ABL2: variants seen among roughly 807,000 people sequenced by gnomAD.
ABL2 encodes ABL proto-oncogene 2, non-receptor tyrosine kinase, also known as tyrosine-protein kinase ABL2.
Under a neutral mutation model 107.7 loss-of-function variants are expected in ABL2, and 49 were observed. The observed-to-expected ratio is 0.45, with a 90% CI of 0.36 to 0.58. The LOEUF (loss-of-function observed/expected upper bound fraction) is 0.58, where lower values mean the gene tolerates loss of function less well. Among genes scored for constraint, ABL2 ranks in the 20% least tolerant of loss-of-function variants. ABL2 has a pLI of 0.00. For missense variants in ABL2, 1,245 were observed against 1,457.0 expected (o/e 0.85, Z 2.37); for synonymous variants, 549 against 548.6 (o/e 1.00, Z -0.01).
chr1:179,176,699 A>ATTTTTTTTTTT (rs1553229037), intron 1 of ABL2, among the ~76,000 whole-genome samples: 4 of 25,270 alleles, frequency 1.6e-4, no homozygotes, highest in East Asian at 4.8e-3. Flanking sequence ...GTTGTTACAT[A>ATTTTTTTTTTT]TTCTTTTTTT....
chr1:179,133,688 T>C (rs1363315998), intron 1 of ABL2, among the ~76,000 whole-genome samples: 2 of 152,160 alleles, frequency 1.3e-5, no homozygotes, highest in African/African-American at 2.4e-5. Context: ...CCCTTATCCA[T>C]GAGGAATATG....
At position 179,126,396 on chromosome 1, in the gene ABL2, T is replaced by C. The variant is rs1655722627; in HGVS notation, c.668A>G (p.Asn223Ser). The C allele has an allele frequency of 6.2e-7, 1 of 1,613,902 alleles. No homozygotes were observed. The highest frequency in any genetic ancestry group is 1.3e-5 in the African/African-American group (1 of 74,920). The change falls in exon 4 of 12, where the codon AAT (asparagine) becomes AGT (serine). Residue 223 changes from asparagine (N) to serine (S), a missense_variant. Transcript: ENST00000502732. This position sits in a 1 kb window ranked among gnomAD's most constrained non-coding sequence, Gnocchi z 4.4. ...TCTTACCTTGCCATCTGCAGTGGTATTGATCCTGTAGTGATACACACGTCC... is the reference window on the plus strand; with the variant it reads ...TCTTACCTTGCCATCTGCAGTGGTACTGATCCTGTAGTGATACACACGTCC... ...YEGRVYHYRI[N>S]TTADGKVYVT...
chr1:179,159,979 C>T (rs958028396), intron 1 of ABL2, among the ~76,000 whole-genome samples: 4 of 151,748 alleles, frequency 2.6e-5, no homozygotes, highest in Admixed American at 1.3e-4. Context: ...CTGGGTATGA[C>T]GGCATGCACC....
At chr1:179,191,319 T>C (rs1660996124) in intron 1 of ABL2, among the ~76,000 whole-genome samples, 1 of 151,574 alleles carries the variant, frequency 6.6e-6, no homozygotes, top group South Asian at 2.1e-4. Context: ...ATTTTCAAAA[T>C]CAAATAAGGC....
intron 1 of ABL2, among the ~76,000 whole-genome samples, chr1:179,171,460 AT>A (rs1659714048): frequency 6.6e-6 from 1 of 152,220 alleles, no homozygotes; most frequent in Non-Finnish European, 1.5e-5. Flanking sequence ...ATTAAAAAAT[AT>A]AAATAAAATT....
At chr1:179,188,908 T>C (rs148635690) in intron 1 of ABL2, among the ~76,000 whole-genome samples, 109 of 152,294 alleles carry the variant, frequency 7.2e-4, no homozygotes, top group African/African-American at 2.4e-3. Flanking sequence ...GAGAAGAGGC[T>C]AAAGGGAGAG....
intron 1 of ABL2, among the ~76,000 whole-genome samples, chr1:179,138,290 G>A (rs1657229368): frequency 6.6e-6 from 1 of 152,142 alleles, no homozygotes; most frequent in Non-Finnish European, 1.5e-5. Flanking sequence ...ATTGAGACAA[G>A]GTCTTGCCGT....
chr1:179,184,309 A>G (rs1660559807), intron 1 of ABL2: 2 of 538,762 alleles, frequency 3.7e-6, no homozygotes, highest in Non-Finnish European at 6.7e-6. Context: ...TTTCATTTGA[A>G]TGAGAGTGGT....
intron 1 of ABL2, among the ~76,000 whole-genome samples, chr1:179,138,381 G>C (rs1657237979): frequency 6.6e-6 from 1 of 152,162 alleles, no homozygotes; most frequent in Non-Finnish European, 1.5e-5. Context: ...TTACAAGCAC[G>C]AGCCACCGCG....
chr1:179,118,826 T>C (rs1158259708), intron 6 of ABL2, 62 bp from the exon 7 acceptor site: 1 of 1,540,834 alleles, frequency 6.5e-7, no homozygotes, highest in South Asian at 1.2e-5. Context: ...CAAACCACTT[T>C]GGCCAAGAAT....
At chr1:179,135,946 A>G (rs868009069) in intron 1 of ABL2, among the ~76,000 whole-genome samples, 3 of 99,888 alleles carry the variant, frequency 3.0e-5, no homozygotes, top group African/African-American at 3.6e-5. Flanking sequence ...CGCCCCGTCC[A>G]GGAGGGAGGT....
At chr1:179,181,903 C>G (rs1660395995) in intron 1 of ABL2, among the ~76,000 whole-genome samples, 1 of 151,314 alleles carries the variant, frequency 6.6e-6, no homozygotes, top group African/African-American at 2.4e-5. Context: ...GCCTCAACCT[C>G]CTGAGTAGCC....
At chr1:179,217,581 G>A (rs897036964) in intron 1 of ABL2, among the ~76,000 whole-genome samples, 19 of 150,848 alleles carry the variant, frequency 1.3e-4, no homozygotes, top group African/African-American at 2.4e-4. Flanking sequence ...AGCCTCGATC[G>A]TGCCATTGCA....
chr1:179,209,727 A>G (rs532872645), intron 1 of ABL2, among the ~76,000 whole-genome samples: 4 of 152,308 alleles, frequency 2.6e-5, no homozygotes, highest in Non-Finnish European at 4.4e-5. Context: ...TTTATCTTAA[A>G]AACAACCAAC....
At chr1:179,130,030 C>T (rs1261900112) in intron 3 of ABL2, among the ~76,000 whole-genome samples, 3 of 152,156 alleles carry the variant, frequency 2.0e-5, no homozygotes, top group Admixed American at 6.5e-5. Context: ...ACCTCCCCGT[C>T]CCAAGTTCAA....
chr1:179,198,264 G>T (rs73044769), intron 1 of ABL2, among the ~76,000 whole-genome samples: 2,620 of 151,764 alleles, frequency 0.017, 98 homozygotes, highest in African/African-American at 0.06. Flanking sequence ...AAGAGGGAGA[G>T]AATACGATAA....
chr1:179,205,921 C>T (rs1389275588), intron 1 of ABL2, among the ~76,000 whole-genome samples: 1 of 152,216 alleles, frequency 6.6e-6, no homozygotes, highest in African/African-American at 2.4e-5. Flanking sequence ...ACACCAACTA[C>T]AGGCTAAGTA....
chr1:179,112,214 C>T, intron 10 of ABL2, 95 bp downstream of exon 10: 2 of 1,123,194 alleles, frequency 1.8e-6, no homozygotes, highest in Non-Finnish European at 2.6e-6. Flanking sequence ...TCAAACTCCA[C>T]AAAAGTTGAT....
At position 179,110,335 on chromosome 1, in the gene ABL2, T is replaced by G; in HGVS notation, c.1772A>C (p.Asn591Thr). ...TGTGGCATCTTGTGCCCCTTCAATG[T>G]TCTCCTTGTTCTCCACCTGTTTCTT... ...TLKKQVENKE[N>T]IEGAQDATEN... is the part of the protein sequence containing the mutation. Residue 591 changes from asparagine (N) to threonine (T), a missense_variant, in exon 11 of 12, where the codon AAC becomes ACC. Transcript: ENST00000502732. The G allele has an allele frequency of 6.2e-7, 1 of 1,614,232 alleles. No homozygotes were observed.
Sources: gnomAD v4.1 joint callset for allele counts (sites outside exome capture counted in the v4.1 genomes callset) on GRCh38, gnomAD v4.1.1 for gene constraint, Gnocchi (gnomAD v3.1) non-coding constraint, MANE v1.5 for transcripts, NCBI Gene and HGNC (gene_info 2026-07-23, HGNC 2026-07-21) for gene names.